The following CDH8 variants were observed in gnomAD, a reference collection of about 807,000 sequenced individuals.
CDH8 encodes cadherin-8.
CDH8 carries 17 observed loss-of-function variants against 68.1 expected under a neutral mutation model. The ratio of observed to expected loss-of-function variants is 0.25; its 90% confidence interval spans 0.17 to 0.37. The LOEUF is 0.37. CDH8 is among the 10% of genes least tolerant of loss of function. CDH8 has a pLI of 1.00. For synonymous variants in CDH8, 372 were observed against 365.1 expected (o/e 1.02, Z -0.21); for missense variants, 763 against 999.3 (o/e 0.76, Z 3.19).
intron 10 of CDH8, among the ~76,000 whole-genome samples, chr16:61,665,752 TTTCCTTCC>T (rs35414891): frequency 0.023 from 2,311 of 99,660 alleles, 48 homozygotes; most frequent in East Asian, 0.061. Flanking sequence ...CTGAATTTAT[TTTCCTTCC>T]TTCCTTCCTT....
At chr16:62,027,964 C>A (rs1052921343) in intron 1 of CDH8, among the ~76,000 whole-genome samples, 3 of 152,086 alleles carry the variant, frequency 2.0e-5, no homozygotes. Context: ...TCCGGTCATC[C>A]TTTCTGGCAT....
intron 8 of CDH8, among the ~76,000 whole-genome samples, chr16:61,782,195 G>A (rs1223861932): frequency 6.6e-6 from 1 of 152,178 alleles, no homozygotes; most frequent in East Asian, 1.9e-4. Context: ...ATCTCACTAG[G>A]GAGTGCCAGA....
chr16:61,895,596 C>T (rs1597048561), intron 3 of CDH8, among the ~76,000 whole-genome samples: 2 of 152,098 alleles, frequency 1.3e-5, no homozygotes, highest in East Asian at 3.9e-4. Flanking sequence ...CACAACAATG[C>T]AATAATTTCT....
intron 8 of CDH8, among the ~76,000 whole-genome samples, chr16:61,736,112 A>AAAGGAAGGAAGGAAGGAAGGAAGGAAGG (rs763954666): frequency 9.0e-4 from 105 of 116,516 alleles, no homozygotes; most frequent in East Asian, 1.8e-3. Context: ...AGAAAGAAAG[A>AAAGGAAGGAAGGAAGGAAGGAAGGAAGG]AAGGAAGGAA....
Position 61,933,687 on chromosome 16 carries a change from C to T in CDH8, c.253-32214G>A, listed in dbSNP as rs148923085. 6.8e-3 allele frequency among the ~76,000 whole-genome samples: 1,037 copies of T among 151,986 alleles called. 14 individuals carry two copies. The highest frequency in any genetic ancestry group is 0.024 in the African/African-American group (999 of 41,452). On this transcript the variant is annotated intron_variant, in intron 2 of 11. Coordinates refer to ENST00000577390, the MANE Select transcript of CDH8 (RefSeq NM_001796.5). ...ATGAGGATACTAATTAATCTATGTG[C>T]CTGTTTTTTTCTTTTAGTGCTGGTG...
At chr16:61,778,737 G>T (rs1265835190) in intron 8 of CDH8, among the ~76,000 whole-genome samples, 1 of 152,104 alleles carries the variant, frequency 6.6e-6, no homozygotes, top group Non-Finnish European at 1.5e-5. Context: ...GAAACTGAGA[G>T]TAAAAGAGAA....
At chr16:61,791,666 A>G (rs892633064) in intron 7 of CDH8, among the ~76,000 whole-genome samples, 6 of 152,050 alleles carry the variant, frequency 3.9e-5, no homozygotes, top group African/African-American at 1.2e-4. Flanking sequence ...CCCAAATCAG[A>G]AACACATTCC....
At chr16:61,874,818 A>G (rs1277114242) in intron 3 of CDH8, among the ~76,000 whole-genome samples, 1 of 152,162 alleles carries the variant, frequency 6.6e-6, no homozygotes, top group Admixed American at 6.5e-5. Context: ...CATTGCCATT[A>G]CTTTCAATGG....
intron 4 of CDH8, among the ~76,000 whole-genome samples, chr16:61,841,830 C>A (rs1002154097): frequency 2.0e-5 from 3 of 151,878 alleles, no homozygotes; most frequent in Non-Finnish European, 2.9e-5. Context: ...AATAATAAGA[C>A]AATAAAAATT....
chr16:61,888,595 A>G (rs1963719241), intron 3 of CDH8, among the ~76,000 whole-genome samples: 1 of 151,588 alleles, frequency 6.6e-6, no homozygotes, highest in African/African-American at 2.4e-5. Context: ...CATTTGTAAA[A>G]TAAGAATAAT....
chr16:61,653,912 T>C lies in CDH8; in HGVS notation c.2096A>G (p.Asp699Gly). ...DGINGFLPRK[D>G]IKPDLQFMPR... ...CATAAACTGCAAATCTGGTTTAATA[T>C]CCTTACGGGGTAAAAATCCATTAAT... The change falls in exon 12 of 12, where the codon GAT becomes GGT. Residue 699 changes from aspartate to glycine, a missense_variant. Around this residue, in one of 2 missense-constraint regions of CDH8, gnomAD observed 397 missense variants for 436.2 expected, o/e 0.91. Coordinates refer to ENST00000577390, the MANE Select transcript of CDH8 (RefSeq NM_001796.5). 1 of 1,614,208 alleles carries C rather than the reference T, an allele frequency of 6.2e-7. No individual in the cohort carries two copies. The highest frequency in any genetic ancestry group is 8.5e-7 in the Non-Finnish European group (1 of 1,180,036).
intron 8 of CDH8, among the ~76,000 whole-genome samples, chr16:61,774,633 A>G (rs926200345): frequency 5.9e-5 from 9 of 152,092 alleles, no homozygotes; most frequent in African/African-American, 2.2e-4. Flanking sequence ...CTCCCTCATT[A>G]TACTAATTCA....
chr16:61,695,130 C>T (rs1262324988), intron 10 of CDH8, among the ~76,000 whole-genome samples: 6 of 151,820 alleles, frequency 4.0e-5, no homozygotes, highest in Admixed American at 2.6e-4. Context: ...ACACAAATTC[C>T]CATAATGTGA....
At chr16:61,974,590 T>C (rs1438252027) in intron 2 of CDH8, among the ~76,000 whole-genome samples, 1 of 152,116 alleles carries the variant, frequency 6.6e-6, no homozygotes, top group East Asian at 1.9e-4. Flanking sequence ...GAAAGGAAAT[T>C]GTAGATATCC....
chr16:61,959,762 T>TAC (rs1567545212), intron 2 of CDH8, among the ~76,000 whole-genome samples: 1 of 150,012 alleles, frequency 6.7e-6, no homozygotes, highest in Non-Finnish European at 1.5e-5. Flanking sequence ...TATCTATATA[T>TAC]ACACACACAC....
chr16:61,774,071 C>G (rs1295627143), intron 8 of CDH8, among the ~76,000 whole-genome samples: 1 of 151,962 alleles, frequency 6.6e-6, no homozygotes, highest in African/African-American at 2.4e-5. Context: ...ATTAGGGAGT[C>G]CTGGAATCAG....
chr16:61,678,535 CT>C (rs975286870), intron 10 of CDH8, among the ~76,000 whole-genome samples: 6 of 146,658 alleles, frequency 4.1e-5, no homozygotes, highest in East Asian at 3.9e-4. Context: ...AATACCTTCT[CT>C]TTTTTTTATA....
At chr16:61,830,070 C>T (rs1157992588) in intron 4 of CDH8, among the ~76,000 whole-genome samples, 1 of 151,812 alleles carries the variant, frequency 6.6e-6, no homozygotes, top group Admixed American at 6.6e-5. Flanking sequence ...ATGAAAATAG[C>T]CTTACTATTC....
intron 8 of CDH8, among the ~76,000 whole-genome samples, chr16:61,775,720 C>A (rs779835539): frequency 6.6e-6 from 1 of 152,040 alleles, no homozygotes; most frequent in South Asian, 2.1e-4. Context: ...CCGGACTAAA[C>A]GGCCCACCAT....
Sources: allele counts gnomAD v4.1 joint callset (sites outside exome capture counted in the v4.1 genomes callset), GRCh38; gene constraint gnomAD v4.1.1; regional missense constraint gnomAD v4.1.1; transcripts MANE v1.5; gene names NCBI Gene and HGNC (gene_info 2026-07-23, HGNC 2026-07-21).